WDR70: variants seen among roughly 807,000 people sequenced by gnomAD.
The protein encoded by WDR70 is WD repeat-containing protein 70.
Under a neutral mutation model 88.6 loss-of-function variants are expected in WDR70, and 53 were observed. That is an observed-to-expected ratio of 0.60 (90% confidence interval 0.48 to 0.75). WDR70 has a LOEUF of 0.75. Ranked by LOEUF, WDR70 falls within the 30% of genes least tolerant of loss-of-function variation. WDR70 has a pLI of 0.00. For missense variants in WDR70, 610 were observed against 823.2 expected, an observed-to-expected ratio of 0.74 and a Z score of 3.17; for synonymous variants, 280 against 270.0, an observed-to-expected ratio of 1.04 and a Z score of -0.36.
chr5:37,419,979 T>A (rs1256998761), intron 5 of WDR70, among the ~76,000 whole-genome samples: 1 of 152,106 alleles, frequency 6.6e-6, no homozygotes, highest in African/African-American at 2.4e-5. Context: ...GGTCAAGTGA[T>A]CTGCCCCCCT....
intron 13 of WDR70, among the ~76,000 whole-genome samples, chr5:37,711,347 G>A (rs1401504853): frequency 6.6e-6 from 1 of 152,100 alleles, no homozygotes; most frequent in Non-Finnish European, 1.5e-5. Context: ...TGCACACTAC[G>A]ACGTAACTCT....
At chr5:37,664,963 A>G (rs1745796901) in intron 10 of WDR70, among the ~76,000 whole-genome samples, 2 of 152,254 alleles carry the variant, frequency 1.3e-5, no homozygotes, top group South Asian at 4.1e-4. Context: ...AATAGGGAAG[A>G]TAAATTTGTA....
intron 10 of WDR70, among the ~76,000 whole-genome samples, chr5:37,624,562 G>A (rs1376543077): frequency 1.3e-5 from 2 of 152,140 alleles, no homozygotes; most frequent in South Asian, 2.1e-4. Context: ...TAGGGGATAA[G>A]GGAGAGCTTT....
intron 10 of WDR70, among the ~76,000 whole-genome samples, chr5:37,684,967 G>T (rs767681812): frequency 6.6e-6 from 1 of 152,220 alleles, no homozygotes; most frequent in Non-Finnish European, 1.5e-5. Flanking sequence ...CATGCTGGTG[G>T]TGGTATTAGC....
At chr5:37,673,583 A>ACCTTCCC (rs1554010663) in intron 10 of WDR70, among the ~76,000 whole-genome samples, 1 of 76,228 alleles carries the variant, frequency 1.3e-5, no homozygotes. Context: ...GACTTTTCTT[A>ACCTTCCC]CCCCCCCCCC....
chr5:37,551,771 T>G (rs867348619), intron 9 of WDR70, among the ~76,000 whole-genome samples: 17,551 of 67,132 alleles, frequency 0.26, 1,079 homozygotes, highest in South Asian at 0.41. Context: ...TTGTTTAGTT[T>G]TTTTTTTTTT....
chr5:37,388,182 C>T (rs995259281), intron 3 of WDR70, among the ~76,000 whole-genome samples: 1 of 151,786 alleles, frequency 6.6e-6, no homozygotes, highest in Non-Finnish European at 1.5e-5. Context: ...TGCAATGGGA[C>T]GATCTCGGCT....
intron 10 of WDR70, among the ~76,000 whole-genome samples, chr5:37,619,322 C>T (rs1744438553): frequency 6.6e-6 from 1 of 151,686 alleles, no homozygotes; most frequent in African/African-American, 2.4e-5. Flanking sequence ...ACAATTAGTC[C>T]TCTGTGGTTA....
chr5:37,381,782 G>A (rs1371824978), intron 3 of WDR70, 97 bp downstream of exon 3: 7 of 1,259,428 alleles, frequency 5.6e-6, no homozygotes, highest in East Asian at 6.4e-5. Flanking sequence ...GGCTGGGCGC[G>A]GTGGCTCATG....
chr5:37,431,409 A>G (rs1750299549), intron 5 of WDR70, among the ~76,000 whole-genome samples: 1 of 151,334 alleles, frequency 6.6e-6, no homozygotes, highest in Non-Finnish European at 1.5e-5. Context: ...TTCCCACTGT[A>G]TTATGTCAAT....
chr5:37,604,770 G>A (rs1561919816), intron 9 of WDR70, among the ~76,000 whole-genome samples: 1 of 152,186 alleles, frequency 6.6e-6, no homozygotes, highest in Non-Finnish European at 1.5e-5. Flanking sequence ...AGAATAATTT[G>A]GAGGCCACTT....
chr5:37,577,501 C>T (rs990978950), intron 9 of WDR70, among the ~76,000 whole-genome samples: 4 of 151,928 alleles, frequency 2.6e-5, no homozygotes, highest in South Asian at 2.1e-4. Context: ...ATAATTAAAT[C>T]GTACATATAT....
intron 10 of WDR70, among the ~76,000 whole-genome samples, chr5:37,637,917 A>C (rs918059635): frequency 1.3e-4 from 20 of 152,316 alleles, no homozygotes; most frequent in African/African-American, 4.8e-4. Flanking sequence ...CCTTTGTGGC[A>C]GCAGGAGTAG....
intron 7 of WDR70, among the ~76,000 whole-genome samples, chr5:37,462,581 C>T (rs1323984297): frequency 2.0e-5 from 3 of 152,292 alleles, no homozygotes; most frequent in East Asian, 3.9e-4. Context: ...GGATTACAGG[C>T]GTGAGCCACC....
chr5:37,541,960 G>T (rs1741832322), intron 9 of WDR70, among the ~76,000 whole-genome samples: 1 of 152,156 alleles, frequency 6.6e-6, no homozygotes, highest in Admixed American at 6.5e-5. Flanking sequence ...ATAGAGGAAG[G>T]GTTGCTAACA....
chr5:37,496,665 A>T (rs1283713429), intron 8 of WDR70, among the ~76,000 whole-genome samples: 5 of 152,230 alleles, frequency 3.3e-5, no homozygotes, highest in Non-Finnish European at 7.3e-5. Context: ...AAATATCAGT[A>T]AAAGATCTGC....
At chr5:37,524,539 A>G (rs892634363) in intron 9 of WDR70, among the ~76,000 whole-genome samples, 5 of 152,238 alleles carry the variant, frequency 3.3e-5, no homozygotes, top group Admixed American at 6.5e-5. Context: ...GCCAAATTGT[A>G]AAGACCATCG....
intron 7 of WDR70, among the ~76,000 whole-genome samples, chr5:37,470,253 A>C (rs1461980207): frequency 6.6e-6 from 1 of 152,218 alleles, no homozygotes; most frequent in African/African-American, 2.4e-5. Flanking sequence ...ATTAAATTAC[A>C]CTGTAAAGTG....
At chr5:37,639,069 C>T (rs545519466) in intron 10 of WDR70, among the ~76,000 whole-genome samples, 15 of 152,198 alleles carry the variant, frequency 9.9e-5, no homozygotes, top group Middle Eastern at 6.8e-3. Context: ...AAATGCAGAA[C>T]GTAAAAACAA....
Sources: allele counts gnomAD v4.1 joint callset (sites outside exome capture counted in the v4.1 genomes callset), GRCh38; gene constraint gnomAD v4.1.1; transcripts MANE v1.5; gene names NCBI Gene and HGNC (gene_info 2026-07-23, HGNC 2026-07-21).